Variants in CD38 observed in about 807,000 individuals in gnomAD.
CD38 encodes CD38 molecule.
A neutral mutation model predicts 36.3 loss-of-function variants in CD38; 31 were observed. The ratio of observed to expected loss-of-function variants is 0.85; its 90% CI spans 0.64 to 1.15. The LOEUF (loss-of-function observed/expected upper bound fraction) is 1.15. Among genes scored for constraint, CD38 ranks in the 50% most tolerant of loss-of-function variants. The pLI, the probability that CD38 is intolerant of heterozygous loss-of-function variation, is 0.00. For missense variants in CD38, 380 were observed against 371.9 expected (o/e 1.02, Z -0.18); for synonymous variants, 131 against 135.2 (o/e 0.97, Z 0.22).
At position 15,813,306 on chromosome 4, in the gene CD38, G is replaced by A. The variant is rs557149569; in HGVS notation, c.234-3205G>A. On this transcript the variant is annotated intron_variant, in intron 1 of 7. Transcript: ENST00000226279. ...GGAAATTTTATTTCTAATCTGCTCA[G>A]TGTTTTTTTCATCACAAGAGTGTTG... 7.2e-4 allele frequency among the ~76,000 whole-genome samples: 104 copies of A among 143,684 alleles called. No individual in the cohort carries two copies. The Middle Eastern group carries it at 0.014, about 19-fold the overall frequency. The allele number at this position is 143,684 out of a possible 152,430, so 94.3% of individuals were successfully genotyped here. A position where few individuals can be genotyped will look rare whatever the true frequency, so the allele number is the denominator to read the frequency against.
rs535465598 is a variant in CD38 at position 15,778,505 on chromosome 4, C to G, written c.91C>G (p.Leu31Val). ...CCAACTCTGTCTTGGCGTCAGTATC[C>G]TGGTCCTGATCCTCGTCGTGGTGCT... ...RAQLCLGVSI[L>V]VLILVVVLAV... Residue 31 changes from leucine (L) to valine (V), a missense_variant, in exon 1 of 8, where the codon CTG becomes GTG. Coordinates refer to ENST00000226279, the MANE Select transcript of CD38 (RefSeq NM_001775.4). This position sits in a 1 kb window ranked among gnomAD's most constrained non-coding sequence, Gnocchi z 4.9. The G allele has an allele frequency of 6.2e-7, 1 of 1,613,890 alleles. No individual in the cohort carries two copies. Among genetic ancestry groups the G allele is most frequent in the Admixed American group, 1.7e-5 (1 of 60,018 alleles).
At position 15,840,070 on chromosome 4, in the gene CD38, T is replaced by A; in HGVS notation, c.704T>A (p.Val235Asp). 1 of 1,613,794 alleles carries A rather than the reference T, an allele frequency of 6.2e-7. No individual in the cohort carries two copies. Among genetic ancestry groups the A allele is most frequent in the Non-Finnish European group, 8.5e-7 (1 of 1,179,716 alleles). ...VEVHNLQPEK[V>D]QTLEAWVIHG... ...GTCCATAATTTGCAACCAGAGAAGG[T>A]TCAGACACTAGAGGCCTGGGTGATA... The change falls in exon 6 of 8, where the codon GTT (valine) becomes GAT (aspartate). Residue 235 changes from valine (V) to aspartate (D), a missense_variant. By Grantham distance (152) the Val-to-Asp change is radical. Transcript: ENST00000226279.
chr4:15,798,566 A>G (rs1258129797), intron 1 of CD38, among the ~76,000 whole-genome samples: 1 of 152,232 alleles, frequency 6.6e-6, no homozygotes, highest in Non-Finnish European at 1.5e-5. Flanking sequence ...TTGAATCATA[A>G]TAGGAGACAT....
intron 4 of CD38, 49 bp from the exon 5 acceptor site, chr4:15,838,043 G>A: frequency 2.1e-6 from 3 of 1,405,480 alleles, no homozygotes; most frequent in Non-Finnish European, 3.0e-6. Flanking sequence ...ACTGCTGGAG[G>A]ATGGTGATTA....
rs781103866 is a variant in CD38 at position 15,778,703 on chromosome 4, G to A, written c.233+56G>A. Reference sequence around the variant, plus strand: ...CACTGCGGGGACAGCAGGGCCCCGCGCGCAGGGAAGCCGCCCGGATCGCCC... The same window carrying A: ...CACTGCGGGGACAGCAGGGCCCCGCACGCAGGGAAGCCGCCCGGATCGCCC... On this transcript the variant is annotated intron_variant, in intron 1 of 7. Coordinates refer to ENST00000226279, the MANE Select transcript of CD38 (RefSeq NM_001775.4). The surrounding 1 kb of genome is among the most constrained non-coding windows in gnomAD (Gnocchi z 4.9). The A allele has an allele frequency of 1.5e-4, 189 of 1,247,298 alleles. No homozygotes were observed. Among genetic ancestry groups the A allele is most frequent in the Non-Finnish European group, 1.9e-4 (167 of 868,332 alleles). 77.3% of individuals were successfully genotyped at this position (1,247,298 alleles called of 1,614,324 possible).
rs559908876 is a variant in CD38 at position 15,784,778 on chromosome 4, C to T, written c.233+6131C>T. ...GGGTTCTAAGAATCTTAGGTGCAGGCGAGGCACGGTGGCTCACACCTGTAA... is the reference window on the plus strand; with the variant it reads ...GGGTTCTAAGAATCTTAGGTGCAGGTGAGGCACGGTGGCTCACACCTGTAA... On this transcript the variant is annotated intron_variant, in intron 1 of 7. Transcript: ENST00000226279. Among the ~76,000 whole-genome samples, 6 of 152,180 alleles carry T rather than the reference C, an allele frequency of 3.9e-5. No homozygotes were observed. In the East Asian group the frequency reaches 5.8e-4, roughly 15 times the overall value.
At position 15,825,016 on chromosome 4, in the gene CD38, A is replaced by G. The variant is rs2148924597; in HGVS notation, c.499A>G (p.Lys167Glu). 1 of 1,608,314 alleles carries G rather than the reference A, an allele frequency of 6.2e-7. No homozygotes were observed. The highest frequency in any genetic ancestry group is 8.5e-7 in the Non-Finnish European group (1 of 1,176,762). ...LTWCGEFNTSKINYQSCPDWR... is the reference protein window; with the variant it reads ...LTWCGEFNTSEINYQSCPDWR... ...ATGGTGTGGTGAATTCAACACTTCC[A>G]GTGAGGCTCTGGGCCCTGTGGGATT... The change falls in exon 3 of 8, where the codon AAA (lysine) becomes GAA (glutamate). Residue 167 changes from lysine to glutamate, a missense_variant and splice_region_variant. By Grantham distance (56) the Lys-to-Glu change is moderately conservative. Transcript: ENST00000226279.
chr4:15,797,413 T>C (rs1723124941), intron 1 of CD38, among the ~76,000 whole-genome samples: 1 of 152,214 alleles, frequency 6.6e-6, no homozygotes, highest in African/African-American at 2.4e-5. Context: ...TTTGTGGGCA[T>C]AAACAATGCT....
chr4:15,778,673 G>T lies in CD38; in HGVS notation c.233+26G>T. The T allele has an allele frequency of 1.3e-6, 2 of 1,516,030 alleles. No individual in the cohort carries two copies. The highest frequency in any genetic ancestry group is 1.1e-5 in the South Asian group (1 of 89,036). The allele number at this position is 1,516,030 out of a possible 1,614,324, so 93.9% of individuals were successfully genotyped here. A position where few individuals can be genotyped will look rare whatever the true frequency, so the allele number is the denominator to read the frequency against. ...GTGGGTTGGCGACTAAGGCGCACCGGTGGGCACTGCGGGGACAGCAGGGCC... is the reference window on the plus strand; with the variant it reads ...GTGGGTTGGCGACTAAGGCGCACCGTTGGGCACTGCGGGGACAGCAGGGCC... On this transcript the variant is annotated intron_variant, in intron 1 of 7. Coordinates refer to ENST00000226279, the MANE Select transcript of CD38 (RefSeq NM_001775.4). This position sits in a 1 kb window ranked among gnomAD's most constrained non-coding sequence, Gnocchi z 4.9.
chr4:15,813,423 C>T (rs1577647834), intron 1 of CD38, among the ~76,000 whole-genome samples: 1 of 152,002 alleles, frequency 6.6e-6, no homozygotes, highest in Admixed American at 6.6e-5. Context: ...TGGATTTTTA[C>T]ATGTTAATTT....
At position 15,850,143 on chromosome 4, in the gene CD38, A is replaced by C. The variant is rs1327075034; in HGVS notation, c.*1541A>C. 6.6e-6 allele frequency: 1 copy of C among 152,076 alleles called. No individual in the cohort carries two copies. The highest frequency in any genetic ancestry group is 1.5e-5 in the Non-Finnish European group (1 of 68,018). The allele number at this position is 152,076 out of a possible 1,614,324, so 9.4% of individuals were successfully genotyped here. A position where few individuals can be genotyped will look rare whatever the true frequency, so the allele number is the denominator to read the frequency against. On this transcript the variant is annotated 3_prime_UTR_variant, in exon 8 of 8. Coordinates refer to ENST00000226279, the MANE Select transcript of CD38 (RefSeq NM_001775.4). ...GGAATAACAGTGAGACATTATCTCC[A>C]AAAAAATTACCTGGGTATGGTGTTG...
chr4:15,828,979 GTTAT>G (rs1316562567), intron 3 of CD38, among the ~76,000 whole-genome samples: 1 of 152,082 alleles, frequency 6.6e-6, no homozygotes, highest in Non-Finnish European at 1.5e-5. Flanking sequence ...GCCAACACTT[GTTAT>G]TTATCTTTCA....
At chr4:15,798,638 C>T (rs1031197256) in intron 1 of CD38, among the ~76,000 whole-genome samples, 1 of 152,206 alleles carries the variant, frequency 6.6e-6, no homozygotes, top group African/African-American at 2.4e-5. Flanking sequence ...CCAACGGCGT[C>T]TGCCACGTTG....
intron 1 of CD38, among the ~76,000 whole-genome samples, chr4:15,790,554 G>A (rs549519189): frequency 6.6e-5 from 10 of 152,188 alleles, no homozygotes; most frequent in African/African-American, 2.4e-4. Flanking sequence ...CGCCTGCCTT[G>A]GCCCCCCAAA....
intron 2 of CD38, 123 bp from the exon 3 acceptor site, chr4:15,824,752 TTCTTAC>T (rs1292363479): frequency 4.1e-6 from 3 of 733,608 alleles, no homozygotes; most frequent in Non-Finnish European, 7.0e-6. Flanking sequence ...CTTACAACAA[TTCTTAC>T]TCTTACTATG....
At chr4:15,787,079 C>T (rs1043215073) in intron 1 of CD38, among the ~76,000 whole-genome samples, 4 of 152,148 alleles carry the variant, frequency 2.6e-5, no homozygotes, top group Non-Finnish European at 5.9e-5. Flanking sequence ...GGCCCACGAG[C>T]GCCTCTCTCT....
At chr4:15,788,444 C>G (rs1001110763) in intron 1 of CD38, among the ~76,000 whole-genome samples, 1 of 152,044 alleles carries the variant, frequency 6.6e-6, no homozygotes, top group South Asian at 2.1e-4. Flanking sequence ...GTCCTGGGAG[C>G]TTACTTTAAA....
chr4:15,817,490 A>G (rs1327064213), intron 2 of CD38, among the ~76,000 whole-genome samples: 2 of 152,222 alleles, frequency 1.3e-5, no homozygotes, highest in African/African-American at 4.8e-5. Flanking sequence ...ATAATAACCC[A>G]GGCTGACATT....
intron 1 of CD38, among the ~76,000 whole-genome samples, chr4:15,813,832 T>C (rs1218482177): frequency 6.6e-6 from 1 of 152,252 alleles, no homozygotes; most frequent in Non-Finnish European, 1.5e-5. Context: ...CCACATTTTC[T>C]TTATTCAGTC....
Sources: gnomAD v4.1 joint callset for allele counts (sites outside exome capture counted in the v4.1 genomes callset) on GRCh38, gnomAD v4.1.1 for gene constraint, Gnocchi (gnomAD v3.1) non-coding constraint, MANE v1.5 for transcripts, NCBI Gene and HGNC (gene_info 2026-07-23, HGNC 2026-07-21) for gene names.